RNF157: variants seen among roughly 807,000 people sequenced by gnomAD.
The protein encoded by RNF157 is ring finger protein 157.
RNF157 carries 55 observed loss-of-function variants against 88.3 expected under a neutral mutation model. That is an observed-to-expected ratio of 0.62 (90% CI 0.50 to 0.78). The LOEUF is 0.78. Among genes scored for constraint, RNF157 ranks in the 30% least tolerant of loss-of-function variants. The pLI, the probability that RNF157 is intolerant of heterozygous loss-of-function variation, is 0.00. For missense variants in RNF157, 788 were observed against 860.8 expected (o/e 0.92, Z 1.06); for synonymous variants, 334 against 341.2 (o/e 0.98, Z 0.23).
intron 2 of RNF157, chr17:76,202,732 C>G: frequency 6.3e-6 from 1 of 158,052 alleles, no homozygotes; most frequent in Admixed American, 6.5e-5. Flanking sequence ...AGTGGCCAAT[C>G]GAGGCTTCAA....
Position 76,162,569 on chromosome 17 carries a change from T to C in RNF157, c.775A>G (p.Asn259Asp). Residue 259 changes from asparagine (N) to aspartate (D), a missense_variant, in exon 9 of 19, where the codon AAC becomes GAC. Coordinates refer to ENST00000269391, the MANE Select transcript of RNF157 (RefSeq NM_052916.3). ...QEIYGIENKY[N>D]TQDSKVAEDE... ...AAACTTACCTTAGAATCTTGTGTGTTGTACTTGTTTTCAATTCCATAGATC... is the reference window on the plus strand; with the variant it reads ...AAACTTACCTTAGAATCTTGTGTGTCGTACTTGTTTTCAATTCCATAGATC... The C allele has an allele frequency of 6.2e-7, 1 of 1,613,298 alleles. No individual in the cohort carries two copies. Among genetic ancestry groups the C allele is most frequent in the Non-Finnish European group, 8.5e-7 (1 of 1,179,542 alleles).
At position 76,157,290 on chromosome 17, in the gene RNF157, G is replaced by C. The variant is rs1182778554; in HGVS notation, c.1414-969C>G. On this transcript the variant is annotated intron_variant, in intron 13 of 18. Coordinates refer to ENST00000269391, the MANE Select transcript of RNF157 (RefSeq NM_052916.3). The surrounding 1 kb of genome is among the most constrained non-coding windows in gnomAD (Gnocchi z 5.6). ...CAGTCACACAGTCCTTCTTGCCTGG[G>C]CTACTGAAACCCTCTCCTGGCTGGG... 6.6e-6 allele frequency among the ~76,000 whole-genome samples: 1 copy of C among 152,326 alleles called. No individual in the cohort carries two copies. Among genetic ancestry groups the C allele is most frequent in the East Asian group, 1.9e-4 (1 of 5,182 alleles).
chr17:76,164,412 T>A (rs942697332), intron 8 of RNF157: 22 of 187,220 alleles, frequency 1.2e-4, no homozygotes. Context: ...TAAAAAGAGT[T>A]CTCCCTAAAC....
At chr17:76,206,721 G>T (rs1215732046) in intron 2 of RNF157, among the ~76,000 whole-genome samples, 1 of 152,140 alleles carries the variant, frequency 6.6e-6, no homozygotes, top group Non-Finnish European at 1.5e-5. Flanking sequence ...TGGGATCTCG[G>T]CTCACTGCAA....
At chr17:76,193,467 G>A (rs758918306) in intron 2 of RNF157, among the ~76,000 whole-genome samples, 1 of 152,206 alleles carries the variant, frequency 6.6e-6, no homozygotes, top group South Asian at 2.1e-4. Context: ...TCACTTGGTC[G>A]TGACCCAGAA....
At chr17:76,238,030 G>A (rs1159872730) in intron 1 of RNF157, among the ~76,000 whole-genome samples, 1 of 150,848 alleles carries the variant, frequency 6.6e-6, no homozygotes, top group Admixed American at 6.6e-5. Context: ...GTTGCAGTAA[G>A]CCAATATTGC....
In RNF157 at chr17:76,167,095, C is replaced by T; in HGVS notation, c.475G>A (p.Glu159Lys). ...YIPKDNSLQS[E>K]TVQYKRGVCQ... Reference sequence around the variant, plus strand: ...ACTCCTCGCTTGTACTGCACAGTCTCCGACTGGAGGCTGTTGTCTTTGGGA... The same window carrying T: ...ACTCCTCGCTTGTACTGCACAGTCTTCGACTGGAGGCTGTTGTCTTTGGGA... Residue 159 changes from glutamate (E) to lysine (K), a missense_variant, in exon 5 of 19, where the codon GAG becomes AAG. Glu to Lys is a moderately conservative substitution (Grantham distance 56). Coordinates refer to ENST00000269391, the MANE Select transcript of RNF157 (RefSeq NM_052916.3). 6.2e-7 allele frequency: 1 copy of T among 1,612,986 alleles called. No individual in the cohort carries two copies. The highest frequency in any genetic ancestry group is 8.5e-7 in the Non-Finnish European group (1 of 1,179,764).
At chr17:76,169,794 T>G (rs2068986579) in intron 3 of RNF157, among the ~76,000 whole-genome samples, 1 of 152,114 alleles carries the variant, frequency 6.6e-6, no homozygotes. Flanking sequence ...TTGGCCAGGC[T>G]GGTCTCGAAC....
chr17:76,217,430 T>C (rs1598437636), intron 1 of RNF157, among the ~76,000 whole-genome samples: 2 of 152,172 alleles, frequency 1.3e-5, no homozygotes, highest in South Asian at 4.1e-4. Flanking sequence ...TTTAGACAAA[T>C]GAGAAAAGCA....
At chr17:76,223,165 C>T (rs1272214102) in intron 1 of RNF157, among the ~76,000 whole-genome samples, 3 of 150,408 alleles carry the variant, frequency 2.0e-5, no homozygotes, top group African/African-American at 7.3e-5. Context: ...GCTGGGATTA[C>T]AGGGGTGAGC....
intron 2 of RNF157, among the ~76,000 whole-genome samples, chr17:76,189,562 G>A (rs1338620997): frequency 6.6e-6 from 1 of 152,170 alleles, no homozygotes; most frequent in African/African-American, 2.4e-5. Context: ...CAGGAAAACA[G>A]GTACTACACA....
chr17:76,164,670 G>A, intron 8 of RNF157, 78 bp downstream of exon 8: 1 of 801,444 alleles, frequency 1.2e-6, no homozygotes, highest in Non-Finnish European at 2.0e-6. Context: ...AAAAAAAGAG[G>A]GAGAGAGAAG....
chr17:76,155,642 T>C lies in RNF157; in HGVS notation c.1618A>G (p.Ile540Val). The C allele has an allele frequency of 6.2e-7, 1 of 1,613,938 alleles. No individual in the cohort carries two copies. The highest frequency in any genetic ancestry group is 8.5e-7 in the Non-Finnish European group (1 of 1,179,964). Residue 540 changes from isoleucine (I) to valine (V), a missense_variant, in exon 15 of 19, where the codon ATC becomes GTC. Ile to Val is a conservative substitution (Grantham distance 29). Coordinates refer to ENST00000269391, the MANE Select transcript of RNF157 (RefSeq NM_052916.3). ...CCCTCCTCTTCAGTGCCAGGGGCGA[T>C]GTAGGAGCCAGACATGGAGGAGACG... is the stretch of plus-strand genomic sequence containing the variant. ...DTVSSMSGSYIAPGTEEEGEA... is the reference protein window; with the variant it reads ...DTVSSMSGSYVAPGTEEEGEA...
chr17:76,156,308 G>A lies in RNF157; in HGVS notation c.1427C>T (p.Thr476Ile), dbSNP rs113655087. 2.0e-5 allele frequency: 33 copies of A among 1,614,094 alleles called. No homozygotes were observed. Among genetic ancestry groups the A allele is most frequent in the Non-Finnish European group, 2.2e-5 (26 of 1,179,998 alleles). Residue 476 changes from threonine (T) to isoleucine (I), a missense_variant, in exon 14 of 19, where the codon ACT (threonine) becomes ATT (isoleucine). Physicochemically the swap from Thr to Ile is moderately conservative, Grantham distance 89. Coordinates refer to ENST00000269391, the MANE Select transcript of RNF157 (RefSeq NM_052916.3). ...CAAGGTGAGATTCTCACTTTCTGGA[G>A]TCACACCACATTCCTGGGGGTTGTG... ...VQHLGEECGVTPESENLTLSS... is the reference protein window; with the variant it reads ...VQHLGEECGVIPESENLTLSS...
rs1236752438 is a variant in RNF157, at chr17:76,166,177, G to A, written c.628+284C>T. ...TTTAGTAGAGACAGGGTTTCCCCAT[G>A]TTGCCTAGGCTGGTCTCGAACTCCT... On this transcript the variant is annotated intron_variant, in intron 6 of 18. Transcript: ENST00000269391. 2.0e-5 allele frequency among the ~76,000 whole-genome samples: 3 copies of A among 152,156 alleles called. No individual in the cohort carries two copies. The East Asian group carries it at 5.8e-4, about 29-fold the overall frequency.
chr17:76,210,953 T>C (rs546589311), intron 2 of RNF157, among the ~76,000 whole-genome samples: 1 of 152,228 alleles, frequency 6.6e-6, no homozygotes, highest in East Asian at 1.9e-4. Context: ...TATAGGGGTG[T>C]GCCACCACCC....
chr17:76,194,758 G>C (rs536502221), intron 2 of RNF157, among the ~76,000 whole-genome samples: 3 of 152,296 alleles, frequency 2.0e-5, no homozygotes, highest in Admixed American at 1.3e-4. Flanking sequence ...GCTCACACCT[G>C]TAATCCCAGC....
chr17:76,201,049 A>C (rs1031986368), intron 2 of RNF157, among the ~76,000 whole-genome samples: 14 of 152,042 alleles, frequency 9.2e-5, no homozygotes, highest in African/African-American at 3.4e-4. Flanking sequence ...GAACTCCCTT[A>C]ATTTTCCTAC....
At chr17:76,182,831 ATATAT>A (rs2069218202) in intron 2 of RNF157, among the ~76,000 whole-genome samples, 2 of 126,992 alleles carry the variant, frequency 1.6e-5, no homozygotes, top group South Asian at 4.8e-4. Flanking sequence ...TATATATCCT[ATATAT>A]GATATATAGG....
Sources: allele counts gnomAD v4.1 joint callset (sites outside exome capture counted in the v4.1 genomes callset), GRCh38; gene constraint gnomAD v4.1.1; non-coding constraint Gnocchi (gnomAD v3.1); transcripts MANE v1.5; gene names NCBI Gene and HGNC (gene_info 2026-07-23, HGNC 2026-07-21).